NCK2: variants seen among roughly 807,000 people sequenced by gnomAD.
NCK2 encodes NCK adaptor protein 2.
Under a neutral mutation model 33.9 loss-of-function variants are expected in NCK2, and 16 were observed. That is an observed-to-expected ratio of 0.47 (90% CI 0.32 to 0.72). The LOEUF is 0.72. Among genes scored for constraint, NCK2 ranks in the 30% least tolerant of loss-of-function variants. The pLI, the probability that NCK2 is intolerant of heterozygous loss-of-function variation, is 0.03. For synonymous variants in NCK2, 273 were observed against 239.9 expected, an observed-to-expected ratio of 1.14 and a Z score of -1.27; for missense variants, 418 against 537.3, an observed-to-expected ratio of 0.78 and a Z score of 2.19.
At chr2:105,824,577 C>T (rs1042476997) in intron 2 of NCK2, among the ~76,000 whole-genome samples, 5 of 152,050 alleles carry the variant, frequency 3.3e-5, no homozygotes, top group East Asian at 1.9e-4. Flanking sequence ...CATTTAGTAA[C>T]GTTTTTGTAA....
intron 1 of NCK2, among the ~76,000 whole-genome samples, chr2:105,761,240 G>A (rs1028860605): frequency 2.0e-5 from 3 of 152,198 alleles, no homozygotes; most frequent in Non-Finnish European, 2.9e-5. Context: ...CGGGGCAGGC[G>A]TTGGCTCAGA....
intron 1 of NCK2, among the ~76,000 whole-genome samples, chr2:105,813,176 C>T (rs1305789063): frequency 2.6e-5 from 4 of 152,126 alleles, no homozygotes; most frequent in Non-Finnish European, 5.9e-5. Context: ...GTTGCTGTGA[C>T]GATTCTTGCA....
chr2:105,818,846 T>C (rs915130116), intron 2 of NCK2, among the ~76,000 whole-genome samples: 2 of 152,228 alleles, frequency 1.3e-5, no homozygotes, highest in Non-Finnish European at 2.9e-5. Flanking sequence ...GGTCTGCTAC[T>C]ACTACAAACA....
chr2:105,827,890 A>G (rs7585909), intron 2 of NCK2, among the ~76,000 whole-genome samples: 131,368 of 152,190 alleles, frequency 0.86, 56,825 homozygotes, highest in African/African-American at 0.91. Context: ...CTTGATTGGC[A>G]TGGTGGTTAT....
intron 2 of NCK2, among the ~76,000 whole-genome samples, chr2:105,820,257 G>A (rs1252771569): frequency 6.6e-6 from 1 of 152,234 alleles, no homozygotes; most frequent in Non-Finnish European, 1.5e-5. Context: ...TTGCCATTTG[G>A]TCGGTGGTCC....
chr2:105,864,351 A>G (rs1677664935), intron 3 of NCK2, among the ~76,000 whole-genome samples: 1 of 152,062 alleles, frequency 6.6e-6, no homozygotes. Context: ...GAAAAGGAAG[A>G]TTTTGAAGGA....
At chr2:105,859,520 T>C (rs753477649) in intron 3 of NCK2, among the ~76,000 whole-genome samples, 5 of 152,184 alleles carry the variant, frequency 3.3e-5, no homozygotes, top group Non-Finnish European at 7.3e-5. Context: ...AACTCCTGCC[T>C]CTGATCCAAC....
intron 4 of NCK2, 89 bp downstream of exon 4, chr2:105,882,138 T>A (rs551858330): frequency 7.5e-7 from 1 of 1,338,530 alleles, no homozygotes; most frequent in Admixed American, 3.4e-5. Context: ...TCACATTGTG[T>A]GAGTACACTA....
At chr2:105,838,128 T>A (rs1676501103) in intron 2 of NCK2, among the ~76,000 whole-genome samples, 1 of 151,970 alleles carries the variant, frequency 6.6e-6, no homozygotes, top group Non-Finnish European at 1.5e-5. Context: ...CAGCAATAGA[T>A]AACCACTATT....
chr2:105,878,535 C>A (rs1678329584), intron 3 of NCK2, among the ~76,000 whole-genome samples: 1 of 152,174 alleles, frequency 6.6e-6, no homozygotes, highest in Non-Finnish European at 1.5e-5. Flanking sequence ...AGGAGAGAGG[C>A]CTTGCAAGGA....
At chr2:105,881,052 T>C (rs1445591498) in intron 3 of NCK2, among the ~76,000 whole-genome samples, 2 of 150,280 alleles carry the variant, frequency 1.3e-5, no homozygotes, top group Admixed American at 1.4e-4. Flanking sequence ...TCTCAAAGGC[T>C]GGGATTCCAG....
At chr2:105,797,681 A>G (rs543860292) in intron 1 of NCK2, among the ~76,000 whole-genome samples, 6 of 152,276 alleles carry the variant, frequency 3.9e-5, no homozygotes, top group Admixed American at 2.6e-4. Flanking sequence ...GACTGTGTGG[A>G]GCCTCCCTGT....
intron 3 of NCK2, among the ~76,000 whole-genome samples, chr2:105,879,056 G>A (rs1678355123): frequency 6.6e-6 from 1 of 152,196 alleles, no homozygotes; most frequent in South Asian, 2.1e-4. Flanking sequence ...AACGTATTGT[G>A]ATGGCCACTA....
intron 3 of NCK2, among the ~76,000 whole-genome samples, chr2:105,863,350 C>G (rs3769501): frequency 0.069 from 10,550 of 152,226 alleles, 408 homozygotes; most frequent in Middle Eastern, 0.14. Flanking sequence ...GAAGCCGAGT[C>G]TAAGCTTCAG....
At chr2:105,885,951 G>A (rs892339558) in intron 4 of NCK2, among the ~76,000 whole-genome samples, 2 of 152,062 alleles carry the variant, frequency 1.3e-5, no homozygotes, top group Admixed American at 6.6e-5. Context: ...GAAAATAAAC[G>A]TGCTGTATTT....
intron 3 of NCK2, among the ~76,000 whole-genome samples, chr2:105,858,600 C>G (rs1489932544): frequency 6.6e-6 from 1 of 152,148 alleles, no homozygotes; most frequent in Non-Finnish European, 1.5e-5. Flanking sequence ...GCACCGGCCT[C>G]CCCAGCAAAA....
chr2:105,824,613 A>G (rs1362847416), intron 2 of NCK2, among the ~76,000 whole-genome samples: 1 of 152,078 alleles, frequency 6.6e-6, no homozygotes, highest in African/African-American at 2.4e-5. Flanking sequence ...CCCAGTCGTT[A>G]AGTACCACGT....
intron 1 of NCK2, among the ~76,000 whole-genome samples, chr2:105,762,410 A>G (rs1318415078): frequency 6.6e-6 from 1 of 152,084 alleles, no homozygotes; most frequent in Non-Finnish European, 1.5e-5. Context: ...AAAGGGGTTC[A>G]GTCTGTCTCT....
intron 1 of NCK2, among the ~76,000 whole-genome samples, chr2:105,789,349 A>G (rs1430286807): frequency 6.6e-6 from 1 of 151,984 alleles, no homozygotes; most frequent in African/African-American, 2.4e-5. Flanking sequence ...CACCATGCCC[A>G]GCTAATTTTT....
Sources: allele counts gnomAD v4.1 joint callset (sites outside exome capture counted in the v4.1 genomes callset), GRCh38; gene constraint gnomAD v4.1.1; transcripts MANE v1.5; gene names NCBI Gene and HGNC (gene_info 2026-07-23, HGNC 2026-07-21).